The following IL10RB variants were observed in gnomAD, a reference collection of about 807,000 sequenced individuals.
IL10RB encodes interleukin 10 receptor subunit beta, also known as interleukin-10 receptor subunit beta.
IL10RB carries 30 observed loss-of-function variants against 38.7 expected under a neutral mutation model. That is an observed-to-expected ratio of 0.78 (90% CI 0.58 to 1.05). The LOEUF (loss-of-function observed/expected upper bound fraction) is 1.05. IL10RB is among the 50% of genes least tolerant of loss of function. IL10RB has a pLI of 0.00. For synonymous variants in IL10RB, 142 were observed against 145.9 expected (o/e 0.97, Z 0.19); for missense variants, 328 against 397.1 (o/e 0.83, Z 1.48).
chr21:33,273,508 A>G (rs1231539684), intron 2 of IL10RB, among the ~76,000 whole-genome samples: 1 of 152,222 alleles, frequency 6.6e-6, no homozygotes, highest in African/African-American at 2.4e-5. Flanking sequence ...TTGCCTTGAT[A>G]TGGATGGCTG....
At chr21:33,304,307 ATC>A (rs1219590929) in intron 1 of IL10RB, among the ~76,000 whole-genome samples, 1 of 152,214 alleles carries the variant, frequency 6.6e-6, no homozygotes, top group Non-Finnish European at 1.5e-5. Flanking sequence ...CTGAAGATGC[ATC>A]AAAAAGTGAT....
At chr21:33,266,638 A>G (rs547696569) in intron 1 of IL10RB, 124 bp downstream of exon 1, 1 of 940,022 alleles carries the variant, frequency 1.1e-6, no homozygotes, top group East Asian at 2.8e-5. Context: ...GGGAGAGAAG[A>G]TGCAAACGCC....
At chr21:33,271,225 AGTT>A (rs1989073358) in intron 2 of IL10RB, among the ~76,000 whole-genome samples, 2 of 152,210 alleles carry the variant, frequency 1.3e-5, no homozygotes, top group African/African-American at 4.8e-5. Context: ...TCTACAAAAG[AGTT>A]GTTTAGAGTT....
chr21:33,290,899 C>T (rs374339323), intron 6 of IL10RB, among the ~76,000 whole-genome samples: 14 of 152,304 alleles, frequency 9.2e-5, no homozygotes, highest in African/African-American at 2.9e-4. Flanking sequence ...GCTGTAACAA[C>T]GGGAATTGAT....
At chr21:33,300,913 C>T (rs11088250), downstream of IL10RB, among the ~76,000 whole-genome samples, 1 of 152,012 alleles carries the variant, frequency 6.6e-6, no homozygotes, top group African/African-American at 2.4e-5. Flanking sequence ...TTTAAACCAC[C>T]CAGCTTGCGA....
At chr21:33,268,091 G>T in intron 1 of IL10RB, 1 of 596,646 alleles carries the variant, frequency 1.7e-6, no homozygotes, top group Non-Finnish European at 2.6e-6. Context: ...TTGTTTTTAC[G>T]TCTGGAAATA....
At chr21:33,276,360 G>A (rs1463725179) in intron 2 of IL10RB, among the ~76,000 whole-genome samples, 6 of 152,094 alleles carry the variant, frequency 3.9e-5, no homozygotes, top group Non-Finnish European at 7.4e-5. Context: ...TCAAAAATAC[G>A]TAATCAAGGA....
At chr21:33,267,498 G>GTTTT (rs1988982255) in intron 1 of IL10RB, among the ~76,000 whole-genome samples, 1 of 126,278 alleles carries the variant, frequency 7.9e-6, no homozygotes, top group African/African-American at 3.1e-5. Context: ...TTTTTTGTTT[G>GTTTT]TTTGTTTTTT....
intron 5 of IL10RB, among the ~76,000 whole-genome samples, chr21:33,286,525 G>A (rs913650001): frequency 6.6e-6 from 1 of 152,122 alleles, no homozygotes; most frequent in African/African-American, 2.4e-5. Flanking sequence ...GCTAATTAAA[G>A]CAGTCAAAAC....
chr21:33,277,668 C>CTTTTTTTTTTTTTTTTTTTTTTT (rs1216043179), intron 3 of IL10RB, among the ~76,000 whole-genome samples: 6 of 92,980 alleles, frequency 6.5e-5, no homozygotes, highest in Admixed American at 1.2e-4. Context: ...TTCTTTCTTT[C>CTTTTTTTTTTTTTTTTTTTTTTT]TTTTTTTTTT....
At chr21:33,266,645 C>T (rs766910571) in intron 1 of IL10RB, 131 bp downstream of exon 1, 52 of 875,566 alleles carry the variant, frequency 5.9e-5, no homozygotes, top group Non-Finnish European at 8.6e-5. Context: ...AAGATGCAAA[C>T]GCCACGGCCG....
chr21:33,297,687 T>C (rs1169023164), downstream of IL10RB, among the ~76,000 whole-genome samples: 2 of 151,902 alleles, frequency 1.3e-5, no homozygotes, highest in Non-Finnish European at 2.9e-5. Context: ...GTGGCATGTG[T>C]CTGTAGTCCC....
At chr21:33,303,609 C>T (rs1195715811) in intron 1 of IL10RB, among the ~76,000 whole-genome samples, 1 of 152,152 alleles carries the variant, frequency 6.6e-6, no homozygotes, top group Non-Finnish European at 1.5e-5. Flanking sequence ...GCCACCTTGG[C>T]CTCCCAAAGT....
chr21:33,281,209 T>C, intron 4 of IL10RB, among the ~76,000 whole-genome samples: 1 of 152,234 alleles, frequency 6.6e-6, no homozygotes, highest in Non-Finnish European at 1.5e-5. Context: ...CCTATCATAG[T>C]GACAGTTAAG....
chr21:33,294,049 C>T (rs771075667), intron 6 of IL10RB: 12 of 470,974 alleles, frequency 2.5e-5, no homozygotes, highest in Admixed American at 1.6e-4. Context: ...ACGGAATGAA[C>T]GGTAGAGGGG....
At chr21:33,288,048 G>A (rs1989407423) in intron 5 of IL10RB, 56 bp from the exon 6 acceptor site, 1 of 1,522,056 alleles carries the variant, frequency 6.6e-7, no homozygotes, top group Non-Finnish European at 9.1e-7. Context: ...AATGCTCTTG[G>A]GATCACTGTG....
chr21:33,303,546 G>A (rs998001780), intron 1 of IL10RB, among the ~76,000 whole-genome samples: 2 of 151,962 alleles, frequency 1.3e-5, no homozygotes, highest in Admixed American at 6.6e-5. Flanking sequence ...GTAGAGACGG[G>A]GTTTCACTAT....
chr21:33,282,635 G>A (rs1989300388), intron 4 of IL10RB, among the ~76,000 whole-genome samples: 1 of 152,114 alleles, frequency 6.6e-6, no homozygotes, highest in Non-Finnish European at 1.5e-5. Flanking sequence ...AGGCTGGAGT[G>A]CAGTGTGGGG....
At chr21:33,307,110 C>T (rs928175372) in intron 1 of IL10RB, among the ~76,000 whole-genome samples, 1 of 152,200 alleles carries the variant, frequency 6.6e-6, no homozygotes, top group Non-Finnish European at 1.5e-5. Flanking sequence ...CCCTTCTCTC[C>T]TCATTCTGCA....
Sources: allele counts gnomAD v4.1 joint callset (sites outside exome capture counted in the v4.1 genomes callset), GRCh38; gene constraint gnomAD v4.1.1; transcripts MANE v1.5; gene names NCBI Gene and HGNC (gene_info 2026-07-23, HGNC 2026-07-21).